The following BHLHE40 variants were observed in gnomAD, a reference collection of about 807,000 sequenced individuals.
The protein encoded by BHLHE40 is class E basic helix-loop-helix protein 40.
In BHLHE40, 3 loss-of-function variants were observed where a neutral mutation model predicts 35.7. The observed-to-expected ratio is 0.08, with a 90% CI of 0.04 to 0.22. The LOEUF (loss-of-function observed/expected upper bound fraction) is 0.22. BHLHE40 is among the 10% of genes least tolerant of loss of function. The probability of loss-of-function intolerance (pLI) is 1.00; values close to 1 mark genes in which losing one functional copy is unlikely to be tolerated. For missense variants in BHLHE40, 486 were observed against 524.0 expected, an observed-to-expected ratio of 0.93 and a Z score of 0.71; for synonymous variants, 236 against 213.0, an observed-to-expected ratio of 1.11 and a Z score of -0.94.
At chr3:4,980,069 C>T (rs1045548677) in intron 2 of BHLHE40, 38 bp downstream of exon 2, 4 of 1,606,260 alleles carry the variant, frequency 2.5e-6, no homozygotes, top group Admixed American at 1.7e-5. Context: ...GCGCTCAGCC[C>T]CTCGCGCGCG....
chr3:4,983,096 C>A lies in BHLHE40; in HGVS notation c.643C>A (p.Pro215Thr), dbSNP rs1254806806. ...CTCTCCGGCCAAAGGTTCGGAAGGTCCTGGGAAAAACTGCGTGCCAGTCAT... is the reference window on the plus strand; with the variant it reads ...CTCTCCGGCCAAAGGTTCGGAAGGTACTGGGAAAAACTGCGTGCCAGTCAT... ...PSSPAKGSEG[P>T]GKNCVPVIQR... The change falls in exon 5 of 5, where the codon CCT (proline) becomes ACT (threonine). Residue 215 changes from proline to threonine, a missense_variant. Around this residue, in one of 5 missense-constraint regions of BHLHE40, gnomAD observed 176 missense variants for 180.5 expected, o/e 0.98. Transcript: ENST00000256495. This position sits in a 1 kb window ranked among gnomAD's most constrained non-coding sequence, Gnocchi z 5.0. 1.2e-6 allele frequency: 2 copies of A among 1,614,016 alleles called. No individual in the cohort carries two copies. The highest frequency in any genetic ancestry group is 3.3e-5 in the Admixed American group (2 of 59,992).
At chr3:4,980,082 G>C (rs2053177961) in intron 2 of BHLHE40, 51 bp downstream of exon 2, 1 of 1,594,290 alleles carries the variant, frequency 6.3e-7, no homozygotes, top group East Asian at 2.2e-5. Flanking sequence ...CGCGCGCGCT[G>C]AGTTTCCAAG....
rs1414368876 is a variant in BHLHE40, at chr3:4,979,635, C to G, written c.-84C>G. On this transcript the variant is annotated 5_prime_UTR_variant, in exon 1 of 5. Transcript: ENST00000256495. Reference sequence around the variant, plus strand: ...TCAGAGGAACATCTGCGGAGAGACCCCCGAAGCCCTCTCCAGGGCAGTCCT... The same window carrying G: ...TCAGAGGAACATCTGCGGAGAGACCGCCGAAGCCCTCTCCAGGGCAGTCCT... 59 of 1,387,042 alleles carry G rather than the reference C, an allele frequency of 4.3e-5. 2 individuals are homozygous for G. In the South Asian group the frequency reaches 7.4e-4, roughly 17 times the overall value. The allele number at this position is 1,387,042 out of a possible 1,614,324, so 85.9% of individuals were successfully genotyped here.
Position 4,983,829 on chromosome 3 carries a change from G to GGTGTGTGTGTGAGTGTGTGTGTGT in BHLHE40, c.*148_*149insAGTGTGTGTGTGTGTGTGTGTGTG. Reference sequence around the variant, plus strand: ...TCTGAGGCATGGAGAGCAGATTCAGGGTGTGTGTGTGTGTGTGTGTGTGTG... The same window carrying GGTGTGTGTGTGAGTGTGTGTGTGT: ...TCTGAGGCATGGAGAGCAGATTCAGGGTGTGTGTGTGAGTGTGTGTGTGTGTGTGTGTGTGTGTGTGTGTGTGTG... On this transcript the variant is annotated 3_prime_UTR_variant, in exon 5 of 5. Coordinates refer to ENST00000256495, the MANE Select transcript of BHLHE40 (RefSeq NM_003670.3). This position sits in a 1 kb window ranked among gnomAD's most constrained non-coding sequence, Gnocchi z 5.0. 2 of 697,302 alleles carry GGTGTGTGTGTGAGTGTGTGTGTGT rather than the reference G, an allele frequency of 2.9e-6. No homozygotes were observed. The highest frequency in any genetic ancestry group is 4.6e-6 in the Non-Finnish European group (2 of 430,616). The allele number at this position is 697,302 out of a possible 1,614,324, so 43.2% of individuals were successfully genotyped here.
In BHLHE40 at chr3:4,980,019, C is replaced by G; in HGVS notation, c.138C>G (p.Ser46Arg). 6.2e-7 allele frequency: 1 copy of G among 1,614,116 alleles called. No homozygotes were observed. Among genetic ancestry groups the G allele is most frequent in the Non-Finnish European group, 8.5e-7 (1 of 1,179,996 alleles). ...AGTCAAGACGGGGAATAAAGCGGAG[C>G]GAGGACAGCAAGGTAAGCAAGTGCA... Reference protein sequence around the residue: ...VYKSRRGIKRSEDSKETYKLP... With the variant: ...VYKSRRGIKRREDSKETYKLP... The change falls in exon 2 of 5, where the codon AGC (serine) becomes AGG (arginine). Residue 46 changes from serine (S) to arginine (R), a missense_variant. Ser to Arg is a moderately radical substitution (Grantham distance 110). Coordinates refer to ENST00000256495, the MANE Select transcript of BHLHE40 (RefSeq NM_003670.3).
In BHLHE40 at chr3:4,985,068, T is replaced by C. The variant is rs2053235396; in HGVS notation, c.*1376T>C. The C allele has an allele frequency of 6.6e-6, 1 of 152,596 alleles. No individual in the cohort carries two copies. Among genetic ancestry groups the C allele is most frequent in the South Asian group, 2.1e-4 (1 of 4,832 alleles). 9.5% of individuals were successfully genotyped at this position (152,596 alleles called of 1,614,324 possible). On this transcript the variant is annotated 3_prime_UTR_variant, in exon 5 of 5. Transcript: ENST00000256495. The stretch of plus-strand genomic sequence containing the variant: ...TCTCTAGGGAGAGGTACAGTGTTTA[T>C]ATTTTGGAGCCTTCCTGAAGGTGTA...
intron 1 of BHLHE40, 69 bp from the exon 2 acceptor site, chr3:4,979,893 T>A: frequency 6.2e-7 from 1 of 1,609,960 alleles, no homozygotes; most frequent in African/African-American, 1.3e-5. Flanking sequence ...ACCGGGAGGT[T>A]CTTGCCCGGC....
At position 4,983,170 on chromosome 3, in the gene BHLHE40, G is replaced by A. The variant is rs148619573; in HGVS notation, c.717G>A (p.Thr239=). The A allele has an allele frequency of 1.4e-4, 221 of 1,614,092 alleles. 2 individuals carry two copies. Among genetic ancestry groups the A allele is most frequent in the South Asian group, 1.4e-3 (123 of 91,088 alleles). ...GTGGGGAGCAGAGCGGCAGCGACAC[G>A]GACACAGACAGTGGCTATGGAGGAG... ...HSSGEQSGSD[T]DTDSGYGGES... is the part of the protein sequence containing the mutation. Residue 239 remains threonine, a synonymous_variant, in exon 5 of 5, where the codon ACG becomes ACA. Transcript: ENST00000256495. The surrounding 1 kb of genome is among the most constrained non-coding windows in gnomAD (Gnocchi z 5.0).
chr3:4,980,458 G>T, intron 3 of BHLHE40, 50 bp downstream of exon 3: 2 of 1,519,956 alleles, frequency 1.3e-6, no homozygotes, highest in Non-Finnish European at 1.8e-6. Context: ...CCCAGAGGGC[G>T]GGCGGGTCAC....
Position 4,979,746 on chromosome 3 carries a change from C to T in BHLHE40, c.28C>T (p.Pro10Ser), listed in dbSNP as rs2053173327. ...GGAGCGGATCCCCAGCGCGCAACCA[C>T]CCCCCGCCTGCCTGCCCAAAGCACC... MERIPSAQPPPACLPKAPGL... is the reference protein window; with the variant it reads MERIPSAQPSPACLPKAPGL... Residue 10 changes from proline to serine, a missense_variant, in exon 1 of 5, where the codon CCC (proline) becomes TCC (serine). Pro to Ser is a moderately conservative substitution (Grantham distance 74). Around this residue, in one of 5 missense-constraint regions of BHLHE40, gnomAD observed 87 missense variants for 66.7 expected, o/e 1.30. Transcript: ENST00000256495. The T allele has an allele frequency of 1.3e-6, 2 of 1,575,386 alleles. No individual in the cohort carries two copies. Among genetic ancestry groups the T allele is most frequent in the Admixed American group, 1.8e-5 (1 of 54,700 alleles).
Position 4,983,861 on chromosome 3 carries a change from C to A in BHLHE40, c.*169C>A. ...GTGTGTGTGTGTGTGTGTGTATGTG[C>A]GTGTGCGTGCACATGTGTGCCTGCG... On this transcript the variant is annotated 3_prime_UTR_variant, in exon 5 of 5. Coordinates refer to ENST00000256495, the MANE Select transcript of BHLHE40 (RefSeq NM_003670.3). This position sits in a 1 kb window ranked among gnomAD's most constrained non-coding sequence, Gnocchi z 5.0. 3 of 376,518 alleles carry A rather than the reference C, an allele frequency of 8.0e-6. No homozygotes were observed. The highest frequency in any genetic ancestry group is 8.1e-6 in the Non-Finnish European group (2 of 245,846). The allele number at this position is 376,518 out of a possible 1,614,324, so 23.3% of individuals were successfully genotyped here.
chr3:4,979,484 C>A lies in BHLHE40; in HGVS notation c.-235C>A. On this transcript the variant is annotated 5_prime_UTR_variant, in exon 1 of 5. Transcript: ENST00000256495. Reference sequence around the variant, plus strand: ...AGACAGACCGCGCAGGGAGCACACACCGCCAGTCTGTGCGCTGAGTCGGAG... The same window carrying A: ...AGACAGACCGCGCAGGGAGCACACAACGCCAGTCTGTGCGCTGAGTCGGAG... 1.7e-6 allele frequency: 1 copy of A among 586,482 alleles called. No individual in the cohort carries two copies. The highest frequency in any genetic ancestry group is 3.0e-6 in the Non-Finnish European group (1 of 329,366). 36.3% of individuals were successfully genotyped at this position (586,482 alleles called of 1,614,324 possible). A position where few individuals can be genotyped will look rare whatever the true frequency, so the allele number is the denominator to read the frequency against.
chr3:4,985,147 C>T lies in BHLHE40; in HGVS notation c.*1455C>T, dbSNP rs1031849851. On this transcript the variant is annotated 3_prime_UTR_variant, in exon 5 of 5. Coordinates refer to ENST00000256495, the MANE Select transcript of BHLHE40 (RefSeq NM_003670.3). ...AATGTTAAGTAGTTGTTTTAAAATA[C>T]TTAATAAAATAATTCTTTTCCTGTG... 6.6e-6 allele frequency: 1 copy of T among 152,336 alleles called. No individual in the cohort carries two copies. The highest frequency in any genetic ancestry group is 1.5e-5 in the Non-Finnish European group (1 of 67,990). The allele number at this position is 152,336 out of a possible 1,614,324, so 9.4% of individuals were successfully genotyped here.
rs761756861 is a variant in BHLHE40, at chr3:4,979,750, C to T, written c.32C>T (p.Pro11Leu). The T allele has an allele frequency of 1.3e-6, 2 of 1,579,274 alleles. No individual in the cohort carries two copies. The highest frequency in any genetic ancestry group is 2.3e-5 in the South Asian group (2 of 86,896). The change falls in exon 1 of 5, where the codon CCC becomes CTC. Residue 11 changes from proline to leucine, a missense_variant. Physicochemically the swap from Pro to Leu is moderately conservative, Grantham distance 98. Transcript: ENST00000256495. MERIPSAQPP[P>L]ACLPKAPGLE... ...CGGATCCCCAGCGCGCAACCACCCC[C>T]CGCCTGCCTGCCCAAAGCACCGGGA... is the stretch of plus-strand genomic sequence containing the variant.
intron 2 of BHLHE40, 120 bp from the exon 3 acceptor site, chr3:4,980,181 G>T (rs1480917432): frequency 1.8e-6 from 2 of 1,132,764 alleles, no homozygotes; most frequent in Non-Finnish European, 2.6e-6. Flanking sequence ...AAGGGCAGAC[G>T]ATGGTTCTGG....
intron 2 of BHLHE40, 43 bp from the exon 3 acceptor site, chr3:4,980,258 T>G: frequency 6.4e-7 from 1 of 1,553,420 alleles, no homozygotes; most frequent in East Asian, 2.2e-5. Context: ...AGGCTTCTCA[T>G]CTCCTTCCCC....
intron 3 of BHLHE40, 68 bp downstream of exon 3, chr3:4,980,476 C>T: frequency 7.3e-7 from 1 of 1,362,708 alleles, no homozygotes; most frequent in East Asian, 2.4e-5. Flanking sequence ...CACTCGCCGC[C>T]TGCAGGTTCC....
chr3:4,981,935 C>A (rs1429100579), intron 4 of BHLHE40, among the ~76,000 whole-genome samples: 4 of 152,200 alleles, frequency 2.6e-5, no homozygotes, highest in African/African-American at 7.2e-5. Context: ...GTGGTGTGAT[C>A]CTGGCAGGAT....
rs2053232012 is a variant in BHLHE40, at chr3:4,984,658, G to T, written c.*966G>T. On this transcript the variant is annotated 3_prime_UTR_variant, in exon 5 of 5. Coordinates refer to ENST00000256495, the MANE Select transcript of BHLHE40 (RefSeq NM_003670.3). ...TTCTCAAAGGCCTAACCAAGCCTTGGCACCGCCAGATCCTTTCTGTAGGCT... is the reference window on the plus strand; with the variant it reads ...TTCTCAAAGGCCTAACCAAGCCTTGTCACCGCCAGATCCTTTCTGTAGGCT... 6.6e-6 allele frequency: 1 copy of T among 152,624 alleles called. No homozygotes were observed. The highest frequency in any genetic ancestry group is 2.1e-4 in the South Asian group (1 of 4,836). The allele number at this position is 152,624 out of a possible 1,614,324, so 9.5% of individuals were successfully genotyped here.
Sources: gnomAD v4.1 joint callset for allele counts (sites outside exome capture counted in the v4.1 genomes callset) on GRCh38, gnomAD v4.1.1 for gene constraint, gnomAD v4.1.1 regional missense constraint, Gnocchi (gnomAD v3.1) non-coding constraint, MANE v1.5 for transcripts, NCBI Gene and HGNC (gene_info 2026-07-23, HGNC 2026-07-21) for gene names.